Variants in KALRN observed in about 807,000 individuals in gnomAD.
KALRN encodes the protein kalirin.
A neutral mutation model predicts 353.7 loss-of-function variants in KALRN; 70 were observed. The ratio of observed to expected loss-of-function variants is 0.20; its 90% CI spans 0.16 to 0.24. KALRN has a LOEUF of 0.24. Ranked by LOEUF, KALRN falls within the 10% of genes least tolerant of loss-of-function variation. The pLI, the probability that KALRN is intolerant of heterozygous loss-of-function variation, is 1.00. For missense variants in KALRN, 2,791 were observed against 3,756.7 expected (o/e 0.74, Z 6.72); for synonymous variants, 1,391 against 1,434.8 (o/e 0.97, Z 0.69).
intron 26 of KALRN, among the ~76,000 whole-genome samples, chr3:124,475,567 C>T (rs1393780059): frequency 1.3e-5 from 2 of 152,182 alleles, no homozygotes; most frequent in Non-Finnish European, 2.9e-5. Context: ...AACTTCCACC[C>T]ATAAGGGGCT....
At chr3:124,182,027 G>A (rs1438638309) in intron 1 of KALRN, among the ~76,000 whole-genome samples, 1 of 152,274 alleles carries the variant, frequency 6.6e-6, no homozygotes. Flanking sequence ...GCAAAATCAA[G>A]CTGATGAAAA....
intron 1 of KALRN, among the ~76,000 whole-genome samples, chr3:124,052,113 C>T (rs1395188718): frequency 6.6e-6 from 1 of 152,152 alleles, no homozygotes; most frequent in Non-Finnish European, 1.5e-5. Context: ...GGAGACTTTA[C>T]CCTTTTGAGA....
chr3:124,110,469 G>GCGCA (rs10634082), intron 1 of KALRN, among the ~76,000 whole-genome samples: 6,912 of 133,930 alleles, frequency 0.052, 316 homozygotes, highest in Middle Eastern at 0.13. Flanking sequence ...ACACACGCGC[G>GCGCA]CACACACACA....
chr3:124,619,653 A>ATT (rs2079057804), intron 34 of KALRN, among the ~76,000 whole-genome samples: 1 of 151,758 alleles, frequency 6.6e-6, no homozygotes, highest in Admixed American at 6.6e-5. Context: ...CACCCAGCTA[A>ATT]TTTTTGTATT....
intron 2 of KALRN, among the ~76,000 whole-genome samples, chr3:124,231,615 G>T (rs2079160204): frequency 6.6e-6 from 1 of 152,162 alleles, no homozygotes; most frequent in African/African-American, 2.4e-5. Context: ...TTTGGGAAAT[G>T]CTGGACATTC....
intron 37 of KALRN, among the ~76,000 whole-genome samples, chr3:124,648,116 C>T (rs186223510): frequency 7.9e-4 from 120 of 152,332 alleles, no homozygotes; most frequent in Non-Finnish European, 1.2e-3. Flanking sequence ...TAGGTCAACC[C>T]TAGTTGCCCT....
rs532019807 is a variant in KALRN, at chr3:124,201,290, G to A, written c.74-26700G>A. ...CCGTGACTCTCTGCCAAATCCTAATGTAGGATTCTGAAGTCTGGGAAGTCC... is the reference window on the plus strand; with the variant it reads ...CCGTGACTCTCTGCCAAATCCTAATATAGGATTCTGAAGTCTGGGAAGTCC... On this transcript the variant is annotated intron_variant, in intron 1 of 59. Coordinates refer to ENST00000682506, the MANE Select transcript of KALRN (RefSeq NM_001388419.1). 3.9e-5 allele frequency among the ~76,000 whole-genome samples: 6 copies of A among 152,326 alleles called. No homozygotes were observed. The South Asian group carries it at 6.2e-4, about 16-fold the overall frequency.
At chr3:124,115,924 T>C (rs768800763) in intron 1 of KALRN, among the ~76,000 whole-genome samples, 1 of 152,134 alleles carries the variant, frequency 6.6e-6, no homozygotes, top group African/African-American at 2.4e-5. Flanking sequence ...TCAACAAAAA[T>C]GGGGATGCAT....
rs1194600291 is a variant in KALRN at position 124,721,450 on chromosome 3, C to G, written c.*1980C>G. 1 of 152,108 alleles carries G rather than the reference C, an allele frequency of 6.6e-6. No homozygotes were observed. The highest frequency in any genetic ancestry group is 2.4e-5 in the African/African-American group (1 of 41,422). The allele number at this position is 152,108 out of a possible 1,614,324, so 9.4% of individuals were successfully genotyped here. ...TTGGACCTTTATGTATTTACAAACA[C>G]TCTATGATACAATACATAAAAATTT... On this transcript the variant is annotated 3_prime_UTR_variant, in exon 60 of 60. Transcript: ENST00000682506.
chr3:124,052,495 T>G (rs554391410), intron 1 of KALRN, among the ~76,000 whole-genome samples: 2 of 152,274 alleles, frequency 1.3e-5, no homozygotes, highest in East Asian at 3.9e-4. Flanking sequence ...TGAACCTTTC[T>G]TCTCTTGCAT....
rs149014410 is a variant in KALRN at position 124,699,158 on chromosome 3, G to T, written c.7832-711G>T. ...CCATTTATTTCTGCATCCTTCTTAA[G>T]CTGTTCACTCTTGTGTCTCCCAGGT... On this transcript the variant is annotated intron_variant, in intron 55 of 59. Coordinates refer to ENST00000682506, the MANE Select transcript of KALRN (RefSeq NM_001388419.1). Among the ~76,000 whole-genome samples, 22 of 152,220 alleles carry T rather than the reference G, an allele frequency of 1.4e-4. No individual in the cohort carries two copies. In the East Asian group the frequency reaches 4.2e-3, roughly 29 times the overall value.
chr3:124,507,544 C>G (rs1272806519), intron 33 of KALRN, among the ~76,000 whole-genome samples: 1 of 152,166 alleles, frequency 6.6e-6, no homozygotes, highest in African/African-American at 2.4e-5. Context: ...ACACTGAATT[C>G]ATTCTTTTAT....
At chr3:124,452,148 C>T (rs2058846533) in intron 21 of KALRN, among the ~76,000 whole-genome samples, 1 of 152,216 alleles carries the variant, frequency 6.6e-6, no homozygotes, top group Non-Finnish European at 1.5e-5. Context: ...CCACAATCAC[C>T]TATGTATAAG....
At position 124,637,265 on chromosome 3, in the gene KALRN, C is replaced by T. The variant is rs760698252; in HGVS notation, c.5626C>T (p.Leu1876Phe). Residue 1876 changes from leucine to phenylalanine, a missense_variant, in exon 37 of 60, where the codon CTT (leucine) becomes TTT (phenylalanine). Around this residue, in one of 11 missense-constraint regions of KALRN, gnomAD observed 1,065 missense variants for 1,156.4 expected, o/e 0.92. Coordinates refer to ENST00000682506, the MANE Select transcript of KALRN (RefSeq NM_001388419.1). ...ASTEVPTAAD[L>F]VNAIEKLVKN... ...CACTGAAGTACCTACTGCTGCAGAC[C>T]TTGTCAATGCAATAGAAAAGTTGGT... 4.3e-6 allele frequency: 7 copies of T among 1,614,154 alleles called. No individual in the cohort carries two copies. Among genetic ancestry groups the T allele is most frequent in the Middle Eastern group, 1.7e-4 (1 of 6,056 alleles).
intron 57 of KALRN, among the ~76,000 whole-genome samples, chr3:124,708,763 T>G (rs2062756120): frequency 6.6e-6 from 1 of 151,928 alleles, no homozygotes; most frequent in South Asian, 2.1e-4. Context: ...AAGACACAAA[T>G]TTTTAAAGAA....
chr3:124,609,639 G>T (rs1184380348), intron 34 of KALRN, among the ~76,000 whole-genome samples: 1 of 152,210 alleles, frequency 6.6e-6, no homozygotes, highest in African/African-American at 2.4e-5. Context: ...ATCCATTCCG[G>T]CAGATGACTC....
At chr3:124,501,238 G>T (rs1346038380) in intron 33 of KALRN, among the ~76,000 whole-genome samples, 1 of 152,140 alleles carries the variant, frequency 6.6e-6, no homozygotes, top group Non-Finnish European at 1.5e-5. Context: ...ATAAGGGAAG[G>T]AACACTGCTG....
At chr3:124,401,393 T>G (rs539411933) in intron 13 of KALRN, among the ~76,000 whole-genome samples, 2 of 152,172 alleles carry the variant, frequency 1.3e-5, no homozygotes, top group South Asian at 4.2e-4. Context: ...TGGTCCCAGC[T>G]ACTCAGGAGG....
At chr3:124,566,967 G>A (rs1207573411) in intron 34 of KALRN, among the ~76,000 whole-genome samples, 2 of 152,142 alleles carry the variant, frequency 1.3e-5, no homozygotes, top group Admixed American at 6.5e-5. Context: ...CTATGTGTGA[G>A]GGCTAAGCAC....
Sources: gnomAD v4.1 joint callset for allele counts (sites outside exome capture counted in the v4.1 genomes callset) on GRCh38, gnomAD v4.1.1 for gene constraint, gnomAD v4.1.1 regional missense constraint, MANE v1.5 for transcripts, NCBI Gene and HGNC (gene_info 2026-07-23, HGNC 2026-07-21) for gene names.